The following ZNF385D variants were observed in gnomAD, a reference collection of about 807,000 sequenced individuals.
ZNF385D encodes the protein zinc finger protein 385D.
A neutral mutation model predicts 35.8 loss-of-function variants in ZNF385D; 15 were observed. The ratio of observed to expected loss-of-function variants is 0.42; its 90% CI spans 0.28 to 0.64. The LOEUF is 0.64. Ranked by LOEUF, ZNF385D falls within the 30% of genes least tolerant of loss-of-function variation. The pLI, the probability that ZNF385D is intolerant of heterozygous loss-of-function variation, is 0.23. For missense variants in ZNF385D, 474 were observed against 494.6 expected (o/e 0.96, Z 0.39); for synonymous variants, 212 against 186.8 (o/e 1.13, Z -1.10).
intron 2 of ZNF385D, among the ~76,000 whole-genome samples, chr3:22,173,552 A>T (rs1393617965): frequency 6.6e-6 from 1 of 152,180 alleles, no homozygotes; most frequent in Non-Finnish European, 1.5e-5. Flanking sequence ...GAACCTCTTG[A>T]GAACTTGTGT....
intron 3 of ZNF385D, among the ~76,000 whole-genome samples, chr3:21,765,221 A>T (rs928042577): frequency 6.2e-4 from 94 of 151,444 alleles, no homozygotes; most frequent in South Asian, 1.5e-3. Flanking sequence ...TGTGTGTGAG[A>T]GAGAGAGAGA....
At chr3:21,999,824 T>A (rs1270943112) in intron 3 of ZNF385D, among the ~76,000 whole-genome samples, 1 of 151,312 alleles carries the variant, frequency 6.6e-6, no homozygotes, top group Non-Finnish European at 1.5e-5. Context: ...AGAAAAACTG[T>A]GTGATATATG....
chr3:21,740,727 G>A (rs943490297), intron 1 of ZNF385D, among the ~76,000 whole-genome samples: 3 of 152,150 alleles, frequency 2.0e-5, no homozygotes, highest in East Asian at 1.9e-4. Flanking sequence ...TCCTGACCCA[G>A]CCAACTGCTG....
chr3:22,248,374 T>C (rs1394367470), intron 2 of ZNF385D, among the ~76,000 whole-genome samples: 7 of 152,172 alleles, frequency 4.6e-5, no homozygotes, highest in Admixed American at 1.3e-4. Context: ...TTAGTTTGTG[T>C]GACTCACAAT....
chr3:22,101,406 C>G (rs1701937517), intron 3 of ZNF385D, among the ~76,000 whole-genome samples: 1 of 152,024 alleles, frequency 6.6e-6, no homozygotes, highest in Non-Finnish European at 1.5e-5. Context: ...AGTTCACTGA[C>G]CAGGTTCCAC....
At chr3:22,237,314 G>A (rs1370080336) in intron 2 of ZNF385D, among the ~76,000 whole-genome samples, 1 of 151,954 alleles carries the variant, frequency 6.6e-6, no homozygotes, top group Non-Finnish European at 1.5e-5. Context: ...CTGGCTATTT[G>A]TATATCTCTT....
intron 2 of ZNF385D, among the ~76,000 whole-genome samples, chr3:22,359,045 AAAACAAAC>A (rs138493725): frequency 4.7e-5 from 7 of 147,578 alleles, no homozygotes; most frequent in African/African-American, 9.9e-5. Flanking sequence ...TACCCGTATT[AAAACAAAC>A]AAACAAACAA....
chr3:21,498,461 A>G (rs1340015065), intron 4 of ZNF385D, among the ~76,000 whole-genome samples: 5 of 152,228 alleles, frequency 3.3e-5, no homozygotes, highest in Admixed American at 2.0e-4. Context: ...CAAACTATCA[A>G]TTCGATGAAG....
chr3:21,997,806 C>G (rs1195473510), intron 3 of ZNF385D, among the ~76,000 whole-genome samples: 1 of 151,740 alleles, frequency 6.6e-6, no homozygotes, highest in African/African-American at 2.4e-5. Context: ...AACTCAAAGT[C>G]TCTGGATAGA....
chr3:22,171,806 G>C (rs370192758), intron 2 of ZNF385D, among the ~76,000 whole-genome samples: 1 of 150,108 alleles, frequency 6.7e-6, no homozygotes, highest in African/African-American at 2.5e-5. Context: ...GAACCCGGGA[G>C]GTAGAGCTTG....
chr3:21,690,801 G>A (rs962638902), intron 1 of ZNF385D, among the ~76,000 whole-genome samples: 2 of 152,160 alleles, frequency 1.3e-5, no homozygotes, highest in East Asian at 1.9e-4. Context: ...GCCTAGTAAT[G>A]TGTGTTTTAA....
At chr3:22,006,249 T>C (rs1254773937) in intron 3 of ZNF385D, among the ~76,000 whole-genome samples, 3 of 152,140 alleles carry the variant, frequency 2.0e-5, no homozygotes, top group African/African-American at 7.2e-5. Context: ...AGTGTATCTG[T>C]GGTAAGACAA....
chr3:21,964,794 A>G (rs1048490527), intron 3 of ZNF385D, among the ~76,000 whole-genome samples: 5 of 143,010 alleles, frequency 3.5e-5, no homozygotes, highest in Admixed American at 1.3e-4. Context: ...GCCCAGCCTA[A>G]TTTCACAGAT....
intron 2 of ZNF385D, among the ~76,000 whole-genome samples, chr3:22,174,976 A>G (rs929940845): frequency 2.0e-5 from 3 of 152,070 alleles, no homozygotes; most frequent in African/African-American, 7.2e-5. Flanking sequence ...TTATTCTGAA[A>G]AGAAGAATCC....
intron 3 of ZNF385D, among the ~76,000 whole-genome samples, chr3:21,765,280 C>T (rs185138889): frequency 6.6e-6 from 1 of 151,462 alleles, no homozygotes; most frequent in East Asian, 2.0e-4. Context: ...ACTTATTTTG[C>T]TAGAAATAAA....
At chr3:22,249,581 G>A (rs1202095463) in intron 2 of ZNF385D, among the ~76,000 whole-genome samples, 1 of 152,122 alleles carries the variant, frequency 6.6e-6, no homozygotes, top group Non-Finnish European at 1.5e-5. Flanking sequence ...CACTCCTTAG[G>A]TAAGGATGAG....
At chr3:21,425,357 TG>T in intron 6 of ZNF385D, 134 bp downstream of exon 6, 1 of 830,720 alleles carries the variant, frequency 1.2e-6, no homozygotes, top group Non-Finnish European at 1.7e-6. Flanking sequence ...GGTTAACAGA[TG>T]GGCAGATGGA....
intron 2 of ZNF385D, among the ~76,000 whole-genome samples, chr3:22,319,436 C>A (rs1042923161): frequency 3.6e-4 from 54 of 151,890 alleles, no homozygotes; most frequent in African/African-American, 1.3e-3. Context: ...ATGTGGGACA[C>A]AATTAATATA....
intron 3 of ZNF385D, among the ~76,000 whole-genome samples, chr3:21,792,776 T>C: frequency 6.6e-6 from 1 of 152,304 alleles, no homozygotes; most frequent in South Asian, 2.1e-4. Context: ...TCCAGATTCT[T>C]AAGATTAAAA....
Sources: gnomAD v4.1 joint callset for allele counts (sites outside exome capture counted in the v4.1 genomes callset) on GRCh38, gnomAD v4.1.1 for gene constraint, MANE v1.5 for transcripts, NCBI Gene and HGNC (gene_info 2026-07-23, HGNC 2026-07-21) for gene names.